ZNF704: variants seen among roughly 807,000 people sequenced by gnomAD.
The protein encoded by ZNF704 is zinc finger protein 704.
Under a neutral mutation model 44.7 loss-of-function variants are expected in ZNF704, and 10 were observed. That is an observed-to-expected ratio of 0.22 (90% CI 0.14 to 0.38). ZNF704 has a LOEUF of 0.38. ZNF704 is among the 10% of genes least tolerant of loss of function. The pLI is 1.00. For missense variants in ZNF704, 390 were observed against 545.5 expected (o/e 0.71, Z 2.84); for synonymous variants, 211 against 207.6 (o/e 1.02, Z -0.14).
chr8:80,651,386 G>A (rs1267681057), intron 7 of ZNF704, among the ~76,000 whole-genome samples: 1 of 152,164 alleles, frequency 6.6e-6, no homozygotes, highest in Non-Finnish European at 1.5e-5. Flanking sequence ...TGGATAAAGA[G>A]TCAAGACCCA....
At chr8:80,764,612 C>T (rs2131723362) in intron 2 of ZNF704, among the ~76,000 whole-genome samples, 1 of 152,272 alleles carries the variant, frequency 6.6e-6, no homozygotes, top group South Asian at 2.1e-4. Flanking sequence ...CCATGATCTT[C>T]AAAACTCACT....
chr8:80,773,165 T>C (rs938065357), intron 2 of ZNF704, among the ~76,000 whole-genome samples: 2 of 152,220 alleles, frequency 1.3e-5, no homozygotes, highest in Non-Finnish European at 2.9e-5. Context: ...TTAAGGCCCA[T>C]GGTATGGACT....
intron 1 of ZNF704, among the ~76,000 whole-genome samples, chr8:80,831,013 C>T (rs1485438675): frequency 6.6e-6 from 1 of 151,978 alleles, no homozygotes. Context: ...CTCAGCCTCC[C>T]AAAGTGCTGG....
intron 2 of ZNF704, among the ~76,000 whole-genome samples, chr8:80,763,675 C>A (rs916138551): frequency 6.6e-6 from 1 of 152,194 alleles, no homozygotes; most frequent in Non-Finnish European, 1.5e-5. Flanking sequence ...TATTAACATT[C>A]GGCTCCTCAT....
At chr8:80,737,659 A>T (rs1474163658) in intron 2 of ZNF704, among the ~76,000 whole-genome samples, 1 of 152,220 alleles carries the variant, frequency 6.6e-6, no homozygotes, top group Non-Finnish European at 1.5e-5. Flanking sequence ...ATTTGTGAAC[A>T]TATGTTTTTA....
At chr8:80,850,494 C>T (rs1808839919) in intron 1 of ZNF704, among the ~76,000 whole-genome samples, 2 of 152,130 alleles carry the variant, frequency 1.3e-5, no homozygotes, top group Non-Finnish European at 2.9e-5. Flanking sequence ...TGATGGGGTT[C>T]TGGCACTAAC....
intron 2 of ZNF704, among the ~76,000 whole-genome samples, chr8:80,800,727 G>C (rs887744875): frequency 2.6e-5 from 4 of 152,026 alleles, no homozygotes; most frequent in Non-Finnish European, 5.9e-5. Context: ...ACACAGATCA[G>C]TGGCACTATG....
At chr8:80,826,381 G>A (rs1195127558) in intron 1 of ZNF704, among the ~76,000 whole-genome samples, 1 of 152,148 alleles carries the variant, frequency 6.6e-6, no homozygotes, top group African/African-American at 2.4e-5. Context: ...AAACCAGGAA[G>A]AAGTTGAATC....
chr8:80,662,743 A>G lies in ZNF704; in HGVS notation c.927+2072T>C, dbSNP rs573034797. On this transcript the variant is annotated intron_variant, in intron 6 of 8. Transcript: ENST00000327835. ...TAAGAGCCATAAACTGTTCCCTCATATTACATCCTCGGACTCAATAATTAT... is the reference window on the plus strand; with the variant it reads ...TAAGAGCCATAAACTGTTCCCTCATGTTACATCCTCGGACTCAATAATTAT... Among the ~76,000 whole-genome samples, 6 of 152,310 alleles carry G rather than the reference A, an allele frequency of 3.9e-5. No homozygotes were observed. In the South Asian group the frequency reaches 1.2e-3, roughly 32 times the overall value.
At chr8:80,869,937 T>C (rs1161071106) in intron 1 of ZNF704, among the ~76,000 whole-genome samples, 2 of 152,182 alleles carry the variant, frequency 1.3e-5, no homozygotes, top group Non-Finnish European at 2.9e-5. Flanking sequence ...CTCTACAAGC[T>C]GAGAACAACT....
At chr8:80,715,154 AT>A (rs1819052661) in intron 2 of ZNF704, among the ~76,000 whole-genome samples, 1 of 152,248 alleles carries the variant, frequency 6.6e-6, no homozygotes, top group South Asian at 2.1e-4. Context: ...TTGCAAAAAA[AT>A]AATTCACTTC....
chr8:80,796,897 A>G (rs1563556559), intron 2 of ZNF704, among the ~76,000 whole-genome samples: 2 of 140,426 alleles, frequency 1.4e-5, no homozygotes, highest in East Asian at 4.4e-4. Flanking sequence ...ATGGAAAGGG[A>G]AAGAGAAAGG....
rs1167644179 is a variant in ZNF704 at position 80,632,224 on chromosome 8, A to C, written c.*9142T>G. 1 of 152,168 alleles carries C rather than the reference A, an allele frequency of 6.6e-6. No individual in the cohort carries two copies. Among genetic ancestry groups the C allele is most frequent in the Non-Finnish European group, 1.5e-5 (1 of 68,028 alleles). The allele number at this position is 152,168 out of a possible 1,614,324, so 9.4% of individuals were successfully genotyped here. The stretch of plus-strand genomic sequence containing the variant: ...AGTCTCACCCCAGGTGCAGCAGTGA[A>C]ATCTTGGCTCACTGCAACCTCTGCC... On this transcript the variant is annotated 3_prime_UTR_variant, in exon 9 of 9. Transcript: ENST00000327835.
rs566239001 is a variant in ZNF704 at position 80,724,147 on chromosome 8, TA to T, written c.222-31041del. 1.5e-3 allele frequency among the ~76,000 whole-genome samples: 228 copies of T among 152,348 alleles called. 1 individual carries two copies. The highest frequency in any genetic ancestry group is 5.3e-3 in the African/African-American group (219 of 41,580). On this transcript the variant is annotated intron_variant, in intron 2 of 8. Transcript: ENST00000327835. ...TCTGGTGATGCTGGGACTTTTGTGA[TA>T]TTTTTTCTTCTATGCAATTCAAAGT...
At chr8:80,741,146 G>A (rs187083097) in intron 2 of ZNF704, among the ~76,000 whole-genome samples, 208 of 152,286 alleles carry the variant, frequency 1.4e-3, no homozygotes, top group African/African-American at 1.9e-3. Flanking sequence ...GGCTTCTGCC[G>A]AATATGGATT....
intron 2 of ZNF704, among the ~76,000 whole-genome samples, chr8:80,768,821 C>T (rs2131728043): frequency 6.6e-6 from 1 of 152,194 alleles, no homozygotes; most frequent in Non-Finnish European, 1.5e-5. Flanking sequence ...CCAGAGAAAT[C>T]AGCAAATGAT....
chr8:80,860,487 T>C (rs1809041282), intron 1 of ZNF704, among the ~76,000 whole-genome samples: 1 of 152,218 alleles, frequency 6.6e-6, no homozygotes, highest in Admixed American at 6.5e-5. Context: ...AATGTGTTGG[T>C]CTTTCTCCTG....
At chr8:80,873,378 C>G (rs534151823) in intron 1 of ZNF704, among the ~76,000 whole-genome samples, 1 of 152,038 alleles carries the variant, frequency 6.6e-6, no homozygotes, top group African/African-American at 2.4e-5. Context: ...AACAGTTCCT[C>G]GCGCTGCCCC....
intron 2 of ZNF704, among the ~76,000 whole-genome samples, chr8:80,695,438 G>A (rs925514644): frequency 1.3e-5 from 2 of 152,328 alleles, no homozygotes; most frequent in South Asian, 2.1e-4. Flanking sequence ...ACCAGGATAG[G>A]AGGCCCGTGC....
Sources: gnomAD v4.1 joint callset for allele counts (sites outside exome capture counted in the v4.1 genomes callset) on GRCh38, gnomAD v4.1.1 for gene constraint, MANE v1.5 for transcripts, NCBI Gene and HGNC (gene_info 2026-07-23, HGNC 2026-07-21) for gene names.